ZNF316: variants seen among roughly 807,000 people sequenced by gnomAD.
The protein encoded by ZNF316 is zinc finger protein 316.
ZNF316 carries 23 observed loss-of-function variants against 75.6 expected under a neutral mutation model. That is an observed-to-expected ratio of 0.30 (90% CI 0.22 to 0.43). The LOEUF (loss-of-function observed/expected upper bound fraction) is 0.43, where lower values mean the gene tolerates loss of function less well. ZNF316 is among the 20% of genes least tolerant of loss of function. The pLI is 1.00. For missense variants in ZNF316, 1,266 were observed against 1,409.4 expected (o/e 0.90, Z 1.63); for synonymous variants, 827 against 666.2 (o/e 1.24, Z -3.72).
chr7:6,649,614 G>T (rs541133950), intron 8 of ZNF316, among the ~76,000 whole-genome samples: 93 of 152,272 alleles, frequency 6.1e-4, no homozygotes, highest in African/African-American at 2.1e-3. Flanking sequence ...GGGCAGGCTG[G>T]TCTCCCTCTG....
chr7:6,638,014 G>A lies in ZNF316; in HGVS notation c.-267+5G>A, dbSNP rs1006098766. ...GCTGTCTTCTGCTGCCGGCAGGTAG[G>A]TAGGGACACCCATCCCTGGGATTGG... On this transcript the variant is annotated splice_donor_5th_base_variant and intron_variant, in intron 2 of 8. Coordinates refer to ENST00000382252, the MANE Select transcript of ZNF316 (RefSeq NM_001278559.2). The A allele has an allele frequency of 6.6e-6, 1 of 152,286 alleles. No homozygotes were observed. The highest frequency in any genetic ancestry group is 1.5e-5 in the Non-Finnish European group (1 of 68,104). 9.4% of individuals were successfully genotyped at this position (152,286 alleles called of 1,614,324 possible). A position where few individuals can be genotyped will look rare whatever the true frequency, so the allele number is the denominator to read the frequency against.
chr7:6,652,466 G>C lies in ZNF316; in HGVS notation c.870G>C (p.Ser290=), dbSNP rs1047824720. ...PGTWGPDDSD[S]AQTPEGWGPD... ...CGTGGGGGCCCGACGACTCGGATTC[G>C]GCGCAGACTCCAGAGGGGTGGGGAC... The change falls in exon 9 of 9, where the codon TCG becomes TCC. Residue 290 remains serine (S), a synonymous_variant. Transcript: ENST00000382252. 1.5e-5 allele frequency: 19 copies of C among 1,231,770 alleles called. No individual in the cohort carries two copies. In the South Asian group the frequency reaches 6.6e-4, roughly 43 times the overall value. The allele number at this position is 1,231,770 out of a possible 1,614,324, so 76.3% of individuals were successfully genotyped here.
intron 8 of ZNF316, among the ~76,000 whole-genome samples, chr7:6,652,036 C>A (rs569891457): frequency 1.3e-5 from 2 of 152,194 alleles, no homozygotes; most frequent in Admixed American, 1.3e-4. Flanking sequence ...GACGGGAGCC[C>A]TGGCTTTCCT....
At chr7:6,648,459 G>A (rs1779448137) in intron 8 of ZNF316, among the ~76,000 whole-genome samples, 1 of 152,204 alleles carries the variant, frequency 6.6e-6, no homozygotes, top group Admixed American at 6.5e-5. Context: ...CTTGGCATCT[G>A]CAGGGAACTG....
rs1298259425 is a variant in ZNF316 at position 6,657,867 on chromosome 7, A to C, written c.*3256A>C. ...AAAAAAAAAAAAAAAAGGTTCCCCGATAGAACTTATAGTTGACTGTCCAGC... is the reference window on the plus strand; with the variant it reads ...AAAAAAAAAAAAAAAAGGTTCCCCGCTAGAACTTATAGTTGACTGTCCAGC... On this transcript the variant is annotated 3_prime_UTR_variant, in exon 9 of 9. Coordinates refer to ENST00000382252, the MANE Select transcript of ZNF316 (RefSeq NM_001278559.2). 6.8e-6 allele frequency among the ~76,000 whole-genome samples: 1 copy of C among 147,294 alleles called. No homozygotes were observed. Among genetic ancestry groups the C allele is most frequent in the African/African-American group, 2.5e-5 (1 of 40,340 alleles).
intron 8 of ZNF316, among the ~76,000 whole-genome samples, chr7:6,650,639 T>C (rs2243544): frequency 0.59 from 89,624 of 151,986 alleles, 27,588 homozygotes; most frequent in East Asian, 0.94. Flanking sequence ...CGACTTTCCC[T>C]CTAGGGCAGC....
Position 6,654,650 on chromosome 7 carries a change from C to T in ZNF316, c.*39C>T, listed in dbSNP as rs1264452279. The stretch of plus-strand genomic sequence containing the variant: ...GACAGCAGCGCAGCCTGCAGGGCCA[C>T]CGGCCCCTCCCTTGGACGGCCGGCC... On this transcript the variant is annotated 3_prime_UTR_variant, in exon 9 of 9. Coordinates refer to ENST00000382252, the MANE Select transcript of ZNF316 (RefSeq NM_001278559.2). 3 of 1,168,974 alleles carry T rather than the reference C, an allele frequency of 2.6e-6. No individual in the cohort carries two copies. Among genetic ancestry groups the T allele is most frequent in the Non-Finnish European group, 2.1e-6 (2 of 947,064 alleles). 72.4% of individuals were successfully genotyped at this position (1,168,974 alleles called of 1,614,324 possible). A position where few individuals can be genotyped will look rare whatever the true frequency, so the allele number is the denominator to read the frequency against.
intron 8 of ZNF316, among the ~76,000 whole-genome samples, chr7:6,648,586 G>A (rs1463410554): frequency 1.3e-5 from 2 of 152,202 alleles, no homozygotes. Flanking sequence ...TGGATTGCAG[G>A]TGCTGTTATC....
chr7:6,654,476 C>T lies in ZNF316; in HGVS notation c.2880C>T (p.Ala960=). ...PAPAPKPEAA[A]KGPSSAGPGE... ...CCGCGCCCAAGCCCGAGGCGGCCGC[C>T]AAGGGGCCGTCCAGTGCCGGCCCCG... Residue 960 remains alanine (A), a synonymous_variant, in exon 9 of 9, where the codon GCC becomes GCT. Transcript: ENST00000382252. The T allele has an allele frequency of 3.4e-6, 4 of 1,188,520 alleles. No homozygotes were observed. Among genetic ancestry groups the T allele is most frequent in the Non-Finnish European group, 4.2e-6 (4 of 960,382 alleles). The allele number at this position is 1,188,520 out of a possible 1,614,324, so 73.6% of individuals were successfully genotyped here.
At position 6,652,338 on chromosome 7, in the gene ZNF316, G is replaced by A. The variant is rs1301613499; in HGVS notation, c.742G>A (p.Glu248Lys). The change falls in exon 9 of 9, where the codon GAG (glutamate) becomes AAG (lysine). Residue 248 changes from glutamate to lysine, a missense_variant. Physicochemically the swap from Glu to Lys is moderately conservative, Grantham distance 56. Transcript: ENST00000382252. ...WFWTDDIEDHEEEDDEDFLAE... is the reference protein window; with the variant it reads ...WFWTDDIEDHKEEDDEDFLAE... ...CTGGACGGACGACATAGAGGACCAC[G>A]AGGAGGAAGACGACGAGGACTTCCT... is the stretch of plus-strand genomic sequence containing the variant. 2 of 1,232,288 alleles carry A rather than the reference G, an allele frequency of 1.6e-6. No individual in the cohort carries two copies. Among genetic ancestry groups the A allele is most frequent in the African/African-American group, 3.1e-5 (2 of 64,436 alleles). The allele number at this position is 1,232,288 out of a possible 1,614,324, so 76.3% of individuals were successfully genotyped here.
chr7:6,653,170 C>A lies in ZNF316; in HGVS notation c.1574C>A (p.Ala525Glu). The part of the protein sequence containing the change: ...DGPRREPGET[A>E]AAAGPEDTDP... ...CCCCGGCGGGAGCCCGGCGAGACGG[C>A]GGCCGCCGCGGGGCCCGAGGACACG... The change falls in exon 9 of 9, where the codon GCG becomes GAG. Residue 525 changes from alanine (A) to glutamate (E), a missense_variant. This residue lies in a region of ZNF316 where 961 missense variants were observed against 990.9 expected (regional missense o/e 0.97). Transcript: ENST00000382252. 1.7e-6 allele frequency: 2 copies of A among 1,200,338 alleles called. No homozygotes were observed. Among genetic ancestry groups the A allele is most frequent in the South Asian group, 8.3e-5 (2 of 24,136 alleles). 74.4% of individuals were successfully genotyped at this position (1,200,338 alleles called of 1,614,324 possible).
intron 8 of ZNF316, 127 bp from the exon 9 acceptor site, chr7:6,652,176 C>T (rs180763767): frequency 1.2e-5 from 11 of 880,724 alleles, no homozygotes; most frequent in South Asian, 1.2e-4. Context: ...GGAGGTGCCC[C>T]GTCCGACTGA....
At chr7:6,644,056 G>A (rs1381869646) in intron 7 of ZNF316, 108 bp downstream of exon 7, 1 of 1,164,610 alleles carries the variant, frequency 8.6e-7, no homozygotes, top group Non-Finnish European at 1.1e-6. Flanking sequence ...TCCAAAGGTG[G>A]ATGCTGGGCC....
At position 6,640,985 on chromosome 7, in the gene ZNF316, A is replaced by T. The variant is rs1779302929; in HGVS notation, c.-166-840A>T. ...GTGAATGAAACCTTTTTTCTTTGCCACTTACTCAGCCTCAGGTATTCCTTC... is the reference window on the plus strand; with the variant it reads ...GTGAATGAAACCTTTTTTCTTTGCCTCTTACTCAGCCTCAGGTATTCCTTC... On this transcript the variant is annotated intron_variant, in intron 3 of 8. Coordinates refer to ENST00000382252, the MANE Select transcript of ZNF316 (RefSeq NM_001278559.2). This position sits in a 1 kb window ranked among gnomAD's most constrained non-coding sequence, Gnocchi z 5.1. Among the ~76,000 whole-genome samples the T allele has an allele frequency of 6.6e-6, 1 of 152,132 alleles. No homozygotes were observed. The highest frequency in any genetic ancestry group is 6.5e-5 in the Admixed American group (1 of 15,274).
In ZNF316 at chr7:6,642,978, C is replaced by T. The variant is rs1468654606; in HGVS notation, c.370C>T (p.Arg124Trp). The change falls in exon 6 of 9, where the codon CGG becomes TGG. Residue 124 changes from arginine (R) to tryptophan (W), a missense_variant. This residue lies in a region of ZNF316 where 961 missense variants were observed against 990.9 expected (regional missense o/e 0.97). Transcript: ENST00000382252. This position sits in a 1 kb window ranked among gnomAD's most constrained non-coding sequence, Gnocchi z 8.1. Reference sequence around the variant, plus strand: ...TCTCCCCACAGGCCTGCAGGCCTCCCGGGCTCCAGCCACTCCTAGGGATGA... The same window carrying T: ...TCTCCCCACAGGCCTGCAGGCCTCCTGGGCTCCAGCCACTCCTAGGGATGA... ...VLQEKGLQASRAPATPRDEDL... is the reference protein window; with the variant it reads ...VLQEKGLQASWAPATPRDEDL... 9.7e-6 allele frequency: 12 copies of T among 1,231,382 alleles called. No homozygotes were observed. Among genetic ancestry groups the T allele is most frequent in the Admixed American group, 8.5e-5 (2 of 23,596 alleles). 76.3% of individuals were successfully genotyped at this position (1,231,382 alleles called of 1,614,324 possible).
Position 6,654,451 on chromosome 7 carries a change from C to G in ZNF316, c.2855C>G (p.Pro952Arg), listed in dbSNP as rs1163519254. 2 of 1,200,924 alleles carry G rather than the reference C, an allele frequency of 1.7e-6. No homozygotes were observed. The highest frequency in any genetic ancestry group is 4.1e-5 in the South Asian group (1 of 24,122). The allele number at this position is 1,200,924 out of a possible 1,614,324, so 74.4% of individuals were successfully genotyped here. A position where few individuals can be genotyped will look rare whatever the true frequency, so the allele number is the denominator to read the frequency against. ...CCGGGCTCGGGTTCGGCCCCAGCCC[C>G]CGCGCCCAAGCCCGAGGCGGCCGCC... ...AAPGSGSAPA[P>R]APKPEAAAKG... The change falls in exon 9 of 9, where the codon CCC (proline) becomes CGC (arginine). Residue 952 changes from proline to arginine, a missense_variant. Around this residue, in one of 3 missense-constraint regions of ZNF316, gnomAD observed 111 missense variants for 99.2 expected, o/e 1.12. Coordinates refer to ENST00000382252, the MANE Select transcript of ZNF316 (RefSeq NM_001278559.2).
At chr7:6,651,619 C>T (rs933830317) in intron 8 of ZNF316, among the ~76,000 whole-genome samples, 3 of 151,932 alleles carry the variant, frequency 2.0e-5, no homozygotes, top group African/African-American at 2.4e-5. Context: ...AAAAAAAAGC[C>T]GGGCGTGGTG....
At position 6,654,392 on chromosome 7, in the gene ZNF316, C is replaced by G; in HGVS notation, c.2796C>G (p.Thr932=). ...RRFSQSSHLL[T]HMKTHRGATA... is the part of the protein sequence containing the mutation. ...TCTCGCAGAGCTCGCACTTGCTCACCCACATGAAGACGCACCGCGGAGCCA... is the reference window on the plus strand; with the variant it reads ...TCTCGCAGAGCTCGCACTTGCTCACGCACATGAAGACGCACCGCGGAGCCA... Residue 932 remains threonine, a synonymous_variant, in exon 9 of 9, where the codon ACC becomes ACG. Coordinates refer to ENST00000382252, the MANE Select transcript of ZNF316 (RefSeq NM_001278559.2). The G allele has an allele frequency of 1.6e-6, 2 of 1,216,896 alleles. No individual in the cohort carries two copies. The highest frequency in any genetic ancestry group is 4.1e-5 in the South Asian group (1 of 24,410). The allele number at this position is 1,216,896 out of a possible 1,614,324, so 75.4% of individuals were successfully genotyped here.
intron 8 of ZNF316, among the ~76,000 whole-genome samples, chr7:6,650,993 A>G (rs1242913222): frequency 1.3e-5 from 2 of 152,012 alleles, no homozygotes; most frequent in African/African-American, 4.8e-5. Context: ...CGCAAGGCTG[A>G]AGGGAGAGGG....
Sources: gnomAD v4.1 joint callset for allele counts (sites outside exome capture counted in the v4.1 genomes callset) on GRCh38, gnomAD v4.1.1 for gene constraint, gnomAD v4.1.1 regional missense constraint, Gnocchi (gnomAD v3.1) non-coding constraint, MANE v1.5 for transcripts, NCBI Gene and HGNC (gene_info 2026-07-23, HGNC 2026-07-21) for gene names.